Variants in KCNMA1 observed in about 807,000 individuals in gnomAD.
KCNMA1 encodes potassium calcium-activated channel subfamily M alpha 1.
Under a neutral mutation model 140.0 loss-of-function variants are expected in KCNMA1, and 29 were observed. The ratio of observed to expected loss-of-function variants is 0.21; its 90% CI spans 0.15 to 0.28. The LOEUF is 0.28. Among genes scored for constraint, KCNMA1 ranks in the 10% least tolerant of loss-of-function variants. The pLI is 1.00. For missense variants in KCNMA1, 880 were observed against 1,602.2 expected, an observed-to-expected ratio of 0.55 and a Z score of 7.70; for synonymous variants, 612 against 611.9, an observed-to-expected ratio of 1.00 and a Z score of 0.00.
Position 76,930,769 on chromosome 10 carries a change from G to A in KCNMA1, c.2902+14004C>T, listed in dbSNP as rs533582140. Among the ~76,000 whole-genome samples, 76 of 152,024 alleles carry A rather than the reference G, an allele frequency of 5.0e-4. 2 individuals carry two copies. In the South Asian group the frequency reaches 0.015, roughly 29 times the overall value. ...ATAAAGAAAATATGGTCTGTGTTGT[G>A]TATGTACCTGCACATATATATAATG... On this transcript the variant is annotated intron_variant, in intron 23 of 27. Transcript: ENST00000286628.
chr10:77,584,522 T>C (rs565065001), intron 1 of KCNMA1, among the ~76,000 whole-genome samples: 1 of 151,962 alleles, frequency 6.6e-6, no homozygotes, highest in African/African-American at 2.4e-5. Flanking sequence ...GCCCAGCTAA[T>C]TTTTGTATTT....
chr10:76,941,068 A>AG (rs1491287730), intron 23 of KCNMA1, among the ~76,000 whole-genome samples: 2 of 83,572 alleles, frequency 2.4e-5, no homozygotes, highest in African/African-American at 9.0e-5. Flanking sequence ...AGAAAGAAAG[A>AG]AAAAGAAAGA....
At chr10:76,998,405 T>C (rs2085084164) in intron 19 of KCNMA1, among the ~76,000 whole-genome samples, 1 of 152,158 alleles carries the variant, frequency 6.6e-6, no homozygotes, top group East Asian at 1.9e-4. Context: ...CAAAGCACAC[T>C]GGCTCAACTG....
chr10:76,932,433 C>T (rs904787419), intron 23 of KCNMA1, among the ~76,000 whole-genome samples: 1 of 152,094 alleles, frequency 6.6e-6, no homozygotes, highest in East Asian at 1.9e-4. Context: ...TTTTCCCAGG[C>T]CTAGTAAGTG....
intron 1 of KCNMA1, among the ~76,000 whole-genome samples, chr10:77,624,730 G>C (rs1253230068): frequency 1.3e-5 from 2 of 152,144 alleles, no homozygotes; most frequent in Non-Finnish European, 2.9e-5. Context: ...CTAAGACACT[G>C]TAGCTAGTCA....
At chr10:77,123,427 A>G (rs1219544610) in intron 5 of KCNMA1, among the ~76,000 whole-genome samples, 2 of 152,160 alleles carry the variant, frequency 1.3e-5, no homozygotes, top group African/African-American at 4.8e-5. Context: ...GGGAGGGGGC[A>G]AGGGCTGGAA....
chr10:77,273,644 T>A (rs1012579291), intron 2 of KCNMA1, among the ~76,000 whole-genome samples: 2 of 152,078 alleles, frequency 1.3e-5, no homozygotes, highest in African/African-American at 2.4e-5. Flanking sequence ...AAAGAAGAGA[T>A]AACTGGTGAG....
intron 2 of KCNMA1, among the ~76,000 whole-genome samples, chr10:77,252,986 C>T (rs2059983372): frequency 6.6e-6 from 1 of 152,138 alleles, no homozygotes. Context: ...TCAACCCCTC[C>T]CATCACACAT....
At chr10:77,452,302 G>C (rs566530438) in intron 1 of KCNMA1, among the ~76,000 whole-genome samples, 70 of 152,292 alleles carry the variant, frequency 4.6e-4, no homozygotes, top group African/African-American at 1.7e-3. Context: ...AGTTACATTT[G>C]AGGCGGAGAT....
intron 3 of KCNMA1, among the ~76,000 whole-genome samples, chr10:77,228,283 A>G (rs2052272774): frequency 6.6e-6 from 1 of 152,196 alleles, no homozygotes; most frequent in African/African-American, 2.4e-5. Context: ...AATATCTTTT[A>G]GAAAACTCTC....
chr10:77,059,266 A>C (rs1042186154), intron 14 of KCNMA1, among the ~76,000 whole-genome samples: 11 of 151,692 alleles, frequency 7.3e-5, no homozygotes, highest in African/African-American at 2.7e-4. Flanking sequence ...TCACTGCCAA[A>C]TACTACTAAA....
intron 5 of KCNMA1, among the ~76,000 whole-genome samples, chr10:77,177,111 C>A (rs1168737940): frequency 6.6e-6 from 1 of 152,108 alleles, no homozygotes; most frequent in Non-Finnish European, 1.5e-5. Context: ...GACATGGAAT[C>A]TTCCCTAGAG....
At chr10:77,060,289 A>G (rs960696748) in intron 14 of KCNMA1, among the ~76,000 whole-genome samples, 1 of 152,246 alleles carries the variant, frequency 6.6e-6, no homozygotes, top group Non-Finnish European at 1.5e-5. Flanking sequence ...GGAGGACTCA[A>G]ACTTTGTAAT....
chr10:77,084,576 A>G lies in KCNMA1; in HGVS notation c.1523+61T>C, dbSNP rs2096651971. 5 of 1,290,794 alleles carry G rather than the reference A, an allele frequency of 3.9e-6. No homozygotes were observed. The Admixed American group carries it at 5.1e-5, about 13-fold the overall frequency. 80.0% of individuals were successfully genotyped at this position (1,290,794 alleles called of 1,614,324 possible). A position where few individuals can be genotyped will look rare whatever the true frequency, so the allele number is the denominator to read the frequency against. On this transcript the variant is annotated intron_variant, in intron 12 of 27. Coordinates refer to ENST00000286628, the MANE Select transcript of KCNMA1 (RefSeq NM_001161352.2). ...GATAGTCCTCTGCAGAAGATCCAAA[A>G]GGGCCGTGAACAGCCACAGACTGCC...
intron 3 of KCNMA1, among the ~76,000 whole-genome samples, chr10:77,217,325 C>G (rs2048120635): frequency 6.7e-6 from 1 of 150,122 alleles, no homozygotes; most frequent in African/African-American, 2.4e-5. Context: ...AACAAACAAA[C>G]AAAAAAAAAC....
intron 2 of KCNMA1, among the ~76,000 whole-genome samples, chr10:77,393,126 G>A (rs1469136785): frequency 1.3e-5 from 2 of 152,242 alleles, no homozygotes; most frequent in African/African-American, 4.8e-5. Flanking sequence ...GCCTGGACAA[G>A]CCTGAATTAA....
At chr10:77,485,604 T>C (rs2098451084) in intron 1 of KCNMA1, among the ~76,000 whole-genome samples, 1 of 152,190 alleles carries the variant, frequency 6.6e-6, no homozygotes, top group African/African-American at 2.4e-5. Flanking sequence ...GGGGGTCTTT[T>C]CTCCAAAAGA....
At chr10:77,449,391 G>A (rs2097584678) in intron 1 of KCNMA1, among the ~76,000 whole-genome samples, 1 of 151,752 alleles carries the variant, frequency 6.6e-6, no homozygotes, top group Non-Finnish European at 1.5e-5. Flanking sequence ...CTAGGTTTAA[G>A]AATCAATAAA....
intron 14 of KCNMA1, among the ~76,000 whole-genome samples, chr10:77,043,476 A>T: frequency 6.6e-6 from 1 of 152,250 alleles, no homozygotes; most frequent in East Asian, 1.9e-4. Context: ...CATTGGATTC[A>T]TAATTCCACT....
Sources: gnomAD v4.1 joint callset for allele counts (sites outside exome capture counted in the v4.1 genomes callset) on GRCh38, gnomAD v4.1.1 for gene constraint, MANE v1.5 for transcripts, NCBI Gene and HGNC (gene_info 2026-07-23, HGNC 2026-07-21) for gene names.